Variants in SYNDIG1L observed in about 807,000 individuals in gnomAD.
SYNDIG1L encodes the protein synapse differentiation inducing 1 like.
In SYNDIG1L, 13 loss-of-function variants were observed where a neutral mutation model predicts 20.1. The observed-to-expected ratio is 0.65, with a 90% CI of 0.42 to 1.03. SYNDIG1L has a LOEUF of 1.03. Among genes scored for constraint, SYNDIG1L ranks in the 50% least tolerant of loss-of-function variants. SYNDIG1L has a pLI of 0.00. For missense variants in SYNDIG1L, 294 were observed against 305.1 expected (o/e 0.96, Z 0.27); for synonymous variants, 128 against 129.3 (o/e 0.99, Z 0.07).
the SYNDIG1L span, among the ~76,000 whole-genome samples, chr14:74,456,082 C>T: frequency 1.3e-5 from 2 of 152,206 alleles, no homozygotes; most frequent in Non-Finnish European, 2.9e-5. Context: ...TTATATCGCT[C>T]AGCTCTCTTC....
At chr14:74,424,010 A>G (rs955058969) in intron 1 of SYNDIG1L, among the ~76,000 whole-genome samples, 1 of 152,192 alleles carries the variant, frequency 6.6e-6, no homozygotes, top group Non-Finnish European at 1.5e-5. Context: ...GGGGTTCTTA[A>G]GAAAACATCA....
At chr14:74,460,244 T>C in the SYNDIG1L span, among the ~76,000 whole-genome samples, 1 of 152,156 alleles carries the variant, frequency 6.6e-6, no homozygotes, top group South Asian at 2.1e-4. Flanking sequence ...CCACCTACTC[T>C]ACACTCTGTT....
the SYNDIG1L span, among the ~76,000 whole-genome samples, chr14:74,441,252 C>T: frequency 6.6e-6 from 1 of 152,206 alleles, no homozygotes; most frequent in Non-Finnish European, 1.5e-5. Flanking sequence ...ATCTCTTGCT[C>T]TCCTGCCCAC....
the SYNDIG1L span, among the ~76,000 whole-genome samples, chr14:74,466,211 A>C: frequency 6.6e-6 from 1 of 152,142 alleles, no homozygotes; most frequent in African/African-American, 2.4e-5. Context: ...GGGGTGGGAA[A>C]AATTTGCAGC....
chr14:74,466,060 G>A, the SYNDIG1L span, among the ~76,000 whole-genome samples: 19 of 152,188 alleles, frequency 1.2e-4, no homozygotes, highest in African/African-American at 3.6e-4. Flanking sequence ...GCTTTGAGGC[G>A]GTCTCCTAAC....
At chr14:74,476,736 C>A in the SYNDIG1L span, 2 of 620,898 alleles carry the variant, frequency 3.2e-6, no homozygotes, top group Non-Finnish European at 5.6e-6. Context: ...TCCCCTCCAC[C>A]CCTTTTTAGG....
At chr14:74,479,232 T>C in the SYNDIG1L span, 7 of 152,356 alleles carry the variant, frequency 4.6e-5, no homozygotes, top group African/African-American at 1.7e-4. Flanking sequence ...CTGGTGGTTT[T>C]CCTGGGAAAC....
the SYNDIG1L span, among the ~76,000 whole-genome samples, chr14:74,459,994 C>G: frequency 6.6e-6 from 1 of 152,154 alleles, no homozygotes; most frequent in Non-Finnish European, 1.5e-5. Flanking sequence ...CATGGCTCTC[C>G]GTCCATTCAA....
intron 1 of SYNDIG1L, among the ~76,000 whole-genome samples, chr14:74,420,840 G>C (rs890198175): frequency 2.6e-5 from 4 of 152,200 alleles, no homozygotes; most frequent in Non-Finnish European, 4.4e-5. Flanking sequence ...AATCAGTGTA[G>C]AGAAACCTGT....
At chr14:74,420,551 G>T (rs1000381300) in intron 1 of SYNDIG1L, among the ~76,000 whole-genome samples, 1 of 152,012 alleles carries the variant, frequency 6.6e-6, no homozygotes, top group Non-Finnish European at 1.5e-5. Flanking sequence ...AGAGGAAGAC[G>T]ACAAAAGTGA....
the SYNDIG1L span, among the ~76,000 whole-genome samples, chr14:74,458,836 G>A: frequency 6.6e-6 from 1 of 152,106 alleles, no homozygotes; most frequent in African/African-American, 2.4e-5. Context: ...TGTGGGTAAG[G>A]AGACCAAGCC....
the SYNDIG1L span, chr14:74,479,958 C>T: frequency 2.9e-5 from 38 of 1,306,230 alleles, no homozygotes; most frequent in Admixed American, 5.1e-4. Context: ...ACAAGACAAA[C>T]GAGTTTTTAT....
At chr14:74,449,090 T>C in the SYNDIG1L span, among the ~76,000 whole-genome samples, 3 of 151,464 alleles carry the variant, frequency 2.0e-5, no homozygotes, top group Non-Finnish European at 4.4e-5. Flanking sequence ...AAAATTAGCC[T>C]GGCATGGTGG....
chr14:74,474,668 G>A, the SYNDIG1L span: 1 of 152,316 alleles, frequency 6.6e-6, no homozygotes, highest in South Asian at 2.1e-4. Context: ...CTGGAGACAA[G>A]CTGGTGTCAA....
At chr14:74,456,027 G>A in the SYNDIG1L span, among the ~76,000 whole-genome samples, 1 of 152,216 alleles carries the variant, frequency 6.6e-6, no homozygotes, top group African/African-American at 2.4e-5. Context: ...TTTGAACCCA[G>A]GTCTTTAGAT....
At chr14:74,441,374 A>T in the SYNDIG1L span, among the ~76,000 whole-genome samples, 1 of 152,242 alleles carries the variant, frequency 6.6e-6, no homozygotes, top group African/African-American at 2.4e-5. Flanking sequence ...CAGTGGAGGT[A>T]GGGTGAGTAT....
the SYNDIG1L span, among the ~76,000 whole-genome samples, chr14:74,439,647 G>A: frequency 2.0e-5 from 3 of 152,114 alleles, 1 homozygote; most frequent in African/African-American, 7.2e-5. Flanking sequence ...TTGGGAGGCC[G>A]AGGCAGGCGG....
At chr14:74,413,473 A>C (rs2086148688) in intron 1 of SYNDIG1L, among the ~76,000 whole-genome samples, 1 of 152,248 alleles carries the variant, frequency 6.6e-6, no homozygotes. Flanking sequence ...TTCGGTGAGA[A>C]AGAAGAAAAG....
the SYNDIG1L span, among the ~76,000 whole-genome samples, chr14:74,445,795 A>G: frequency 6.6e-6 from 1 of 152,166 alleles, no homozygotes; most frequent in Non-Finnish European, 1.5e-5. Context: ...ATATTTGAGT[A>G]TGCATGTAGT....
Sources: allele counts gnomAD v4.1 joint callset (sites outside exome capture counted in the v4.1 genomes callset), GRCh38; gene constraint gnomAD v4.1.1; transcripts MANE v1.5; gene names NCBI Gene and HGNC (gene_info 2026-07-23, HGNC 2026-07-21).